ATR: variants seen among roughly 807,000 people sequenced by gnomAD.
The protein encoded by ATR is ATR checkpoint kinase.
In ATR, 142 loss-of-function variants were observed where a neutral mutation model predicts 305.3. The ratio of observed to expected loss-of-function variants is 0.47; its 90% CI spans 0.41 to 0.53. The LOEUF (loss-of-function observed/expected upper bound fraction) is 0.53. Ranked by LOEUF, ATR falls within the 20% of genes least tolerant of loss-of-function variation. The pLI is 0.00. For missense variants in ATR, 2,135 were observed against 3,133.1 expected, an observed-to-expected ratio of 0.68 and a Z score of 7.60; for synonymous variants, 1,050 against 1,068.1, an observed-to-expected ratio of 0.98 and a Z score of 0.33.
Position 142,562,241 on chromosome 3 carries a change from T to C in ATR, c.1161A>G (p.Val387=). Residue 387 remains valine, a synonymous_variant, in exon 4 of 47, where the codon GTA becomes GTG. Coordinates refer to ENST00000350721, the MANE Select transcript of ATR (RefSeq NM_001184.4). ...CTGAAAAATTACTTACCTCTGCATC[T>C]ACCTCAATTCCAAGCACATCCAAAA... ...KALLDVLGIE[V]DAEYLLGPLY... 1 of 1,614,092 alleles carries C rather than the reference T, an allele frequency of 6.2e-7. No individual in the cohort carries two copies. Among genetic ancestry groups the C allele is most frequent in the Non-Finnish European group, 8.5e-7 (1 of 1,179,970 alleles).
rs2108355632 is a variant in ATR, at chr3:142,505,218, A to G, written c.5117T>C (p.Ile1706Thr). 3 of 1,614,084 alleles carry G rather than the reference A, an allele frequency of 1.9e-6. No homozygotes were observed. The highest frequency in any genetic ancestry group is 2.2e-5 in the East Asian group (1 of 44,876). ...RKAEPSLKEQ[I>T]LEHESLGLLR... is the part of the protein sequence containing the mutation. Reference sequence around the variant, plus strand: ...CAAGCCAAGGCTTTCATGTTCAAGGATCTGTTCTTTTAGAGATGGTTCTGC... The same window carrying G: ...CAAGCCAAGGCTTTCATGTTCAAGGGTCTGTTCTTTTAGAGATGGTTCTGC... Residue 1706 changes from isoleucine (I) to threonine (T), a missense_variant, in exon 29 of 47, where the codon ATC becomes ACC. Physicochemically the swap from Ile to Thr is moderately conservative, Grantham distance 89 (BLOSUM62 -1). Around this residue, in one of 9 missense-constraint regions of ATR, gnomAD observed 2 missense variants for 25.0 expected, o/e 0.08. Coordinates refer to ENST00000350721, the MANE Select transcript of ATR (RefSeq NM_001184.4).
chr3:142,506,397 A>G (rs2032237635), intron 28 of ATR, among the ~76,000 whole-genome samples: 1 of 152,198 alleles, frequency 6.6e-6, no homozygotes, highest in Non-Finnish European at 1.5e-5. Flanking sequence ...ATCCTTCCTT[A>G]AAAATAACAG....
chr3:142,451,626 C>T lies in ATR; in HGVS notation c.7761+1502G>A, dbSNP rs182537626. The stretch of plus-strand genomic sequence containing the variant: ...CAAGGGTCTCACTCTGTTGCCCAGG[C>T]TGGAGTGCAGTGGTGTCATCATAGC... On this transcript the variant is annotated intron_variant, in intron 46 of 46. Coordinates refer to ENST00000350721, the MANE Select transcript of ATR (RefSeq NM_001184.4). 28 of 1,257,906 alleles carry T rather than the reference C, an allele frequency of 2.2e-5. No individual in the cohort carries two copies. The East Asian group carries it at 1.2e-3, about 55-fold the overall frequency. The allele number at this position is 1,257,906 out of a possible 1,614,324, so 77.9% of individuals were successfully genotyped here. A position where few individuals can be genotyped will look rare whatever the true frequency, so the allele number is the denominator to read the frequency against.
At chr3:142,571,297 C>T (rs1046295637) in intron 1 of ATR, among the ~76,000 whole-genome samples, 3 of 152,206 alleles carry the variant, frequency 2.0e-5, no homozygotes, top group East Asian at 3.9e-4. Context: ...GAAACCCCAT[C>T]TCTGCTGAAA....
chr3:142,453,477 T>C (rs1420823452), intron 45 of ATR, among the ~76,000 whole-genome samples: 2 of 152,074 alleles, frequency 1.3e-5, no homozygotes, highest in African/African-American at 4.8e-5. Flanking sequence ...GTAAGATGGG[T>C]TCTATGTGCC....
At chr3:142,559,510 T>C in intron 6 of ATR, 69 bp from the exon 7 acceptor site, 2 of 1,486,394 alleles carry the variant, frequency 1.3e-6, no homozygotes, top group Non-Finnish European at 1.9e-6. Context: ...AACATAAAAT[T>C]GTAGTAAAGC....
At chr3:142,451,960 GA>G in intron 46 of ATR, 1 of 1,132,198 alleles carries the variant, frequency 8.8e-7, no homozygotes, top group South Asian at 2.3e-5. Flanking sequence ...ATCACTTAAC[GA>G]AAAGGAACAT....
chr3:142,515,491 G>C lies in ATR; in HGVS notation c.4407C>G (p.Thr1469=), dbSNP rs201300027. The C allele has an allele frequency of 6.2e-7, 1 of 1,611,256 alleles. No individual in the cohort carries two copies. The highest frequency in any genetic ancestry group is 1.3e-5 in the African/African-American group (1 of 74,774). ...TTGGCTTCTTTACTCCAGACCAATCGGTTGACTTCTGAGAACTCTTGTATC... is the reference window on the plus strand; with the variant it reads ...TTGGCTTCTTTACTCCAGACCAATCCGTTGACTTCTGAGAACTCTTGTATC... The part of the protein sequence containing the change: ...NTRYKSSQKS[T]DWSGVKKPIY... Residue 1469 remains threonine (T), a synonymous_variant, in exon 25 of 47, where the codon ACC becomes ACG. Coordinates refer to ENST00000350721, the MANE Select transcript of ATR (RefSeq NM_001184.4).
Position 142,550,440 on chromosome 3 carries a change from C to T in ATR, c.2806-138G>A, listed in dbSNP as rs1044530281. 5 of 892,486 alleles carry T rather than the reference C, an allele frequency of 5.6e-6. No homozygotes were observed. In the African/African-American group the frequency reaches 8.3e-5, roughly 15 times the overall value. 55.3% of individuals were successfully genotyped at this position (892,486 alleles called of 1,614,324 possible). A position where few individuals can be genotyped will look rare whatever the true frequency, so the allele number is the denominator to read the frequency against. The stretch of plus-strand genomic sequence containing the variant: ...TGGTCCATTCAATTTTTATAACAAC[C>T]TTAATGAGGTAGACTATGTCATAAT... On this transcript the variant is annotated intron_variant, in intron 13 of 46. Coordinates refer to ENST00000350721, the MANE Select transcript of ATR (RefSeq NM_001184.4).
chr3:142,511,341 A>G (rs1281603611), intron 27 of ATR, among the ~76,000 whole-genome samples: 4 of 152,080 alleles, frequency 2.6e-5, no homozygotes, highest in Non-Finnish European at 4.4e-5. Context: ...CCTCACAATA[A>G]TCTCCTAAGG....
chr3:142,471,727 C>T (rs1487160583), intron 36 of ATR, among the ~76,000 whole-genome samples: 3 of 152,096 alleles, frequency 2.0e-5, no homozygotes, highest in Admixed American at 6.6e-5. Context: ...CTAATTATTT[C>T]ACATATTTAT....
chr3:142,450,964 A>G, intron 46 of ATR: 5 of 1,209,574 alleles, frequency 4.1e-6, no homozygotes, highest in Non-Finnish European at 3.1e-6. Context: ...CCCTTTGCAG[A>G]ATCTGACACT....
chr3:142,494,869 A>C (rs776653537), intron 34 of ATR, among the ~76,000 whole-genome samples: 15 of 152,212 alleles, frequency 9.9e-5, no homozygotes, highest in Non-Finnish European at 1.8e-4. Flanking sequence ...AACTGCAATA[A>C]CGTATACAGG....
intron 35 of ATR, among the ~76,000 whole-genome samples, chr3:142,486,519 T>C (rs554488699): frequency 6.6e-6 from 1 of 152,272 alleles, no homozygotes; most frequent in Admixed American, 6.5e-5. Context: ...TTTAAATATT[T>C]ATTTTGAAAA....
chr3:142,512,170 A>G lies in ATR; in HGVS notation c.4852+90T>C, dbSNP rs2032606544. The G allele has an allele frequency of 2.7e-6, 3 of 1,114,330 alleles. No individual in the cohort carries two copies. In the African/African-American group the frequency reaches 4.8e-5, roughly 18 times the overall value. 69.0% of individuals were successfully genotyped at this position (1,114,330 alleles called of 1,614,324 possible). On this transcript the variant is annotated intron_variant, in intron 27 of 46. Transcript: ENST00000350721. ...CATGAAGCAAGGTATTTTTTAAGCT[A>G]GTGCTTAAATTATAGAACTGATAAA...
In ATR at chr3:142,513,530, G is replaced by A. The variant is rs770454684; in HGVS notation, c.4612C>T (p.Leu1538=). The A allele has an allele frequency of 3.1e-6, 5 of 1,613,354 alleles. No homozygotes were observed. In the African/African-American group the frequency reaches 6.7e-5, roughly 22 times the overall value. The change falls in exon 26 of 47, where the codon CTG becomes TTG. Residue 1538 remains leucine (L), a synonymous_variant. Coordinates refer to ENST00000350721, the MANE Select transcript of ATR (RefSeq NM_001184.4). ...LLPHILVYVL[L]GCNQEDQQEV... ...TGCTGATCTTCTTGATTACAACCCAGTAAGACATACACCAGAATATGTGGA... is the reference window on the plus strand; with the variant it reads ...TGCTGATCTTCTTGATTACAACCCAATAAGACATACACCAGAATATGTGGA...
intron 36 of ATR, among the ~76,000 whole-genome samples, chr3:142,484,750 C>T (rs1203429471): frequency 4.6e-5 from 7 of 152,022 alleles, no homozygotes; most frequent in Non-Finnish European, 1.5e-5. Context: ...TGAGGTATGA[C>T]ACCGTCTCCA....
chr3:142,514,729 C>T (rs1316175475), intron 25 of ATR, among the ~76,000 whole-genome samples: 1 of 147,386 alleles, frequency 6.8e-6, no homozygotes, highest in Non-Finnish European at 1.5e-5. Context: ...ATCACTTGAA[C>T]CCGGTAGGCG....
chr3:142,504,858 G>C (rs1002804432), intron 29 of ATR, among the ~76,000 whole-genome samples: 2 of 152,164 alleles, frequency 1.3e-5, no homozygotes, highest in Non-Finnish European at 2.9e-5. Context: ...CAGACACTCA[G>C]TGACACTGAC....
Sources: gnomAD v4.1 joint callset for allele counts (sites outside exome capture counted in the v4.1 genomes callset) on GRCh38, gnomAD v4.1.1 for gene constraint, gnomAD v4.1.1 regional missense constraint, MANE v1.5 for transcripts, NCBI Gene and HGNC (gene_info 2026-07-23, HGNC 2026-07-21) for gene names.